BMP8A: variants seen among roughly 807,000 people sequenced by gnomAD.
The protein encoded by BMP8A is BMP-8A.
In BMP8A, 14 loss-of-function variants were observed where a neutral mutation model predicts 36.8. The observed-to-expected ratio is 0.38, with a 90% CI of 0.25 to 0.60. The LOEUF (loss-of-function observed/expected upper bound fraction) is 0.60, where lower values mean the gene tolerates loss of function less well. Among genes scored for constraint, BMP8A ranks in the 20% least tolerant of loss-of-function variants. The pLI is 0.63. For synonymous variants in BMP8A, 120 were observed against 237.7 expected (o/e 0.50, Z 4.55); for missense variants, 267 against 551.1 (o/e 0.48, Z 5.16).
chr1:39,526,023 C>G lies in BMP8A; in HGVS notation c.*225C>G. On this transcript the variant is annotated 3_prime_UTR_variant, in exon 7 of 7. Coordinates refer to ENST00000331593, the MANE Select transcript of BMP8A (RefSeq NM_181809.4). ...CGACACTTTGGTGGCCTAAGGCACACAGCAGCCTCAGAGCCTGTGCTGACT... is the reference window on the plus strand; with the variant it reads ...CGACACTTTGGTGGCCTAAGGCACAGAGCAGCCTCAGAGCCTGTGCTGACT... 1 of 696,250 alleles carries G rather than the reference C, an allele frequency of 1.4e-6. No homozygotes were observed. Among genetic ancestry groups the G allele is most frequent in the Non-Finnish European group, 2.3e-6 (1 of 428,090 alleles). The allele number at this position is 696,250 out of a possible 1,614,324, so 43.1% of individuals were successfully genotyped here. A position where few individuals can be genotyped will look rare whatever the true frequency, so the allele number is the denominator to read the frequency against.
intron 3 of BMP8A, chr1:39,515,974 C>T: frequency 1.4e-6 from 2 of 1,402,742 alleles, no homozygotes; most frequent in South Asian, 2.6e-5. Flanking sequence ...GGATCCTGGG[C>T]CTGGGCCCGT....
chr1:39,522,762 C>G (rs911269517), intron 5 of BMP8A, among the ~76,000 whole-genome samples: 6 of 152,048 alleles, frequency 3.9e-5, no homozygotes, highest in Non-Finnish European at 7.4e-5. Context: ...GCATTGGCTA[C>G]GACTGCAGCT....
At chr1:39,515,091 C>G (rs1645385463) in intron 3 of BMP8A, 6 of 1,586,856 alleles carry the variant, frequency 3.8e-6, no homozygotes, top group Admixed American at 3.5e-5. Flanking sequence ...CTACGCGGAC[C>G]CGGTGGAGAT....
At chr1:39,510,976 G>A (rs1352490224) in intron 1 of BMP8A, among the ~76,000 whole-genome samples, 198 bp from the exon 2 acceptor site, 3 of 152,190 alleles carry the variant, frequency 2.0e-5, no homozygotes, top group Admixed American at 6.5e-5. Flanking sequence ...TGGCTGCAGG[G>A]CCTCTTGGCC....
Position 39,521,589 on chromosome 1 carries a change from GGGGCCGAGGCCCTGT to G in BMP8A, c.868+24_868+38del. 1.1e-6 allele frequency: 1 copy of G among 881,842 alleles called. No homozygotes were observed. The highest frequency in any genetic ancestry group is 1.5e-6 in the Non-Finnish European group (1 of 669,246). 54.6% of individuals were successfully genotyped at this position (881,842 alleles called of 1,614,324 possible). On this transcript the variant is annotated intron_variant, in intron 4 of 6. Transcript: ENST00000331593. ...ATCTTTGGTGAGGGTCGGGCAGGCTGGGGCCGAGGCCCTGTGGGCTTCTGGCTGAGAGAGGCAGGG... is the reference window on the plus strand; with the variant it reads ...ATCTTTGGTGAGGGTCGGGCAGGCTGGGGCTTCTGGCTGAGAGAGGCAGGG...
intron 1 of BMP8A, among the ~76,000 whole-genome samples, chr1:39,497,358 T>C (rs1037001782): frequency 6.6e-6 from 1 of 152,122 alleles, no homozygotes; most frequent in Non-Finnish European, 1.5e-5. Flanking sequence ...CCTCCCGGGG[T>C]TGCATGCAGT....
Position 39,527,003 on chromosome 1 carries a change from C to T in BMP8A, c.*1205C>T, listed in dbSNP as rs1645489761. The stretch of plus-strand genomic sequence containing the variant: ...GTCAATAAGACCTCAGTTCCCCCTC[C>T]TGCCCCACTGCAGAGCAATCCATTC... On this transcript the variant is annotated 3_prime_UTR_variant, in exon 7 of 7. Transcript: ENST00000331593. 6.6e-6 allele frequency among the ~76,000 whole-genome samples: 1 copy of T among 152,212 alleles called. No homozygotes were observed.
At chr1:39,498,858 G>A (rs1570276529) in intron 1 of BMP8A, among the ~76,000 whole-genome samples, 2 of 152,080 alleles carry the variant, frequency 1.3e-5, no homozygotes, top group Admixed American at 6.5e-5. Context: ...CCACAGCAAC[G>A]GGAATGTCGG....
chr1:39,523,979 AAC>A (rs3832006), intron 6 of BMP8A: 6,431 of 152,302 alleles, frequency 0.042, 166 homozygotes, highest in Middle Eastern at 0.067. Context: ...TAAAAATTAA[AAC>A]ACACACACAC....
At chr1:39,514,618 G>A (rs1040159266) in intron 3 of BMP8A, among the ~76,000 whole-genome samples, 4 of 151,904 alleles carry the variant, frequency 2.6e-5, no homozygotes, top group South Asian at 2.1e-4. Flanking sequence ...AAGCTGGGGG[G>A]AAGCTTGGGC....
intron 1 of BMP8A, among the ~76,000 whole-genome samples, chr1:39,502,921 C>G (rs1055792161): frequency 7.2e-5 from 11 of 152,266 alleles, no homozygotes; most frequent in African/African-American, 2.6e-4. Context: ...TGGTACACAC[C>G]TGTAGTCCCA....
chr1:39,507,497 C>T (rs747274201), intron 1 of BMP8A, among the ~76,000 whole-genome samples: 15 of 152,190 alleles, frequency 9.9e-5, no homozygotes, highest in Non-Finnish European at 1.8e-4. Context: ...CAGCATCAGA[C>T]GGAGGTGGTC....
chr1:39,510,624 C>T (rs1645345135), intron 1 of BMP8A, among the ~76,000 whole-genome samples: 1 of 151,864 alleles, frequency 6.6e-6, no homozygotes, highest in Admixed American at 6.6e-5. Context: ...CAGATTCGCA[C>T]TCATGCCTCA....
intron 1 of BMP8A, among the ~76,000 whole-genome samples, chr1:39,495,280 G>A (rs534214152): frequency 2.4e-4 from 37 of 152,250 alleles, no homozygotes; most frequent in African/African-American, 7.7e-4. Flanking sequence ...CGGGGCTCTC[G>A]CTGGCTTCCC....
intron 5 of BMP8A, 141 bp downstream of exon 5, chr1:39,522,623 G>A: frequency 7.9e-7 from 1 of 1,261,648 alleles, no homozygotes; most frequent in Non-Finnish European, 1.1e-6. Flanking sequence ...GTTTTCTAAA[G>A]TGAGAATATG....
Position 39,522,989 on chromosome 1 carries a change from T to C in BMP8A, c.949-18T>C, listed in dbSNP as rs781338426. ...GAGGAGCACATGGATGGGACTCACC[T>C]TCTCCCTTGCCCCCCAGGACTGGGT... On this transcript the variant is annotated intron_variant, in intron 5 of 6. Transcript: ENST00000331593. 9 of 1,586,454 alleles carry C rather than the reference T, an allele frequency of 5.7e-6. No homozygotes were observed. In the African/African-American group the frequency reaches 1.2e-4, roughly 21 times the overall value.
rs780713892 is a variant in BMP8A, at chr1:39,492,215, T to G, written c.224T>G (p.Leu75Arg). ...AASRLPASAP[L>R]FMLDLYHAMA... is the part of the protein sequence containing the mutation. Reference sequence around the variant, plus strand: ...TCCCGGCTGCCCGCGTCCGCGCCGCTCTTCATGCTGGACCTGTACCACGCC... The same window carrying G: ...TCCCGGCTGCCCGCGTCCGCGCCGCGCTTCATGCTGGACCTGTACCACGCC... The change falls in exon 1 of 7, where the codon CTC becomes CGC. Residue 75 changes from leucine to arginine, a missense_variant. This residue lies in a region of BMP8A where 21 missense variants were observed against 59.2 expected (regional missense o/e 0.35). Coordinates refer to ENST00000331593, the MANE Select transcript of BMP8A (RefSeq NM_181809.4). The G allele has an allele frequency of 2.7e-5, 40 of 1,475,348 alleles. No individual in the cohort carries two copies. Among genetic ancestry groups the G allele is most frequent in the Middle Eastern group, 2.4e-4 (1 of 4,106 alleles). The allele number at this position is 1,475,348 out of a possible 1,614,324, so 91.4% of individuals were successfully genotyped here.
At chr1:39,499,550 A>G (rs1645235462) in intron 1 of BMP8A, among the ~76,000 whole-genome samples, 1 of 152,240 alleles carries the variant, frequency 6.6e-6, no homozygotes, top group Admixed American at 6.5e-5. Flanking sequence ...TTGATGTCGA[A>G]CTGAGGGTCG....
intron 1 of BMP8A, among the ~76,000 whole-genome samples, chr1:39,509,178 C>G (rs1015966531): frequency 3.9e-5 from 6 of 152,230 alleles, no homozygotes; most frequent in African/African-American, 1.4e-4. Flanking sequence ...GCACATAGAG[C>G]CACGCTTTGA....
Sources: gnomAD v4.1 joint callset for allele counts (sites outside exome capture counted in the v4.1 genomes callset) on GRCh38, gnomAD v4.1.1 for gene constraint, gnomAD v4.1.1 regional missense constraint, MANE v1.5 for transcripts, NCBI Gene and HGNC (gene_info 2026-07-23, HGNC 2026-07-21) for gene names.